Variants in ROBO1 observed in about 807,000 individuals in gnomAD.
The protein encoded by ROBO1 is roundabout homolog 1.
ROBO1 carries 149 observed loss-of-function variants against 195.9 expected under a neutral mutation model. That is an observed-to-expected ratio of 0.76 (90% CI 0.67 to 0.87). The LOEUF is 0.87. Ranked by LOEUF, ROBO1 falls within the 40% of genes least tolerant of loss-of-function variation. The pLI is 0.00. For missense variants in ROBO1, 1,933 were observed against 2,068.3 expected (o/e 0.93, Z 1.27); for synonymous variants, 816 against 733.2 (o/e 1.11, Z -1.82).
intron 2 of ROBO1, among the ~76,000 whole-genome samples, chr3:79,557,017 G>T (rs550420313): frequency 1.8e-4 from 24 of 136,190 alleles, no homozygotes; most frequent in East Asian, 2.1e-4. Context: ...TCCTTTTTTT[G>T]TTGTTTTTTT....
At chr3:79,043,468 A>T (rs1017018756) in intron 3 of ROBO1, among the ~76,000 whole-genome samples, 1 of 152,092 alleles carries the variant, frequency 6.6e-6, no homozygotes, top group Non-Finnish European at 1.5e-5. Flanking sequence ...CAAAACCCAT[A>T]TCTAAGTTGG....
intron 17 of ROBO1, among the ~76,000 whole-genome samples, chr3:78,658,377 A>G (rs559674390): frequency 1.1e-4 from 16 of 152,126 alleles, no homozygotes; most frequent in Non-Finnish European, 1.8e-4. Context: ...TGCAGCCTCC[A>G]CCTCCCGGGT....
intron 8 of ROBO1, among the ~76,000 whole-genome samples, chr3:78,698,551 G>A (rs2081351199): frequency 6.6e-6 from 1 of 152,032 alleles, no homozygotes; most frequent in South Asian, 2.1e-4. Flanking sequence ...GACAATTTTT[G>A]CTGTCACAAC....
chr3:78,976,380 A>G (rs929506273), intron 3 of ROBO1, among the ~76,000 whole-genome samples: 1 of 152,152 alleles, frequency 6.6e-6, no homozygotes, highest in Non-Finnish European at 1.5e-5. Flanking sequence ...CCACTTCTTG[A>G]GCCTGACCTG....
At chr3:78,677,198 A>G (rs1420338159) in intron 10 of ROBO1, among the ~76,000 whole-genome samples, 2 of 152,236 alleles carry the variant, frequency 1.3e-5, no homozygotes, top group African/African-American at 2.4e-5. Context: ...AGGAACAACC[A>G]GTACCAGCCA....
chr3:79,356,492 T>G (rs887732543), intron 2 of ROBO1, among the ~76,000 whole-genome samples: 6 of 152,232 alleles, frequency 3.9e-5, no homozygotes, highest in Non-Finnish European at 8.8e-5. Context: ...CATGTAAATC[T>G]AACACCTATT....
chr3:79,713,487 T>A (rs1429900770), intron 1 of ROBO1, among the ~76,000 whole-genome samples: 1 of 152,138 alleles, frequency 6.6e-6, no homozygotes, highest in African/African-American at 2.4e-5. Context: ...CTGGGTTACT[T>A]AGAAGAGTTT....
chr3:78,712,895 A>G (rs1338998877), intron 8 of ROBO1, among the ~76,000 whole-genome samples: 1 of 152,228 alleles, frequency 6.6e-6, no homozygotes, highest in Non-Finnish European at 1.5e-5. Context: ...AAAGTACTTT[A>G]AAACACAAAG....
intron 8 of ROBO1, among the ~76,000 whole-genome samples, chr3:78,695,625 CAAAA>C (rs1172592248): frequency 5.5e-5 from 3 of 54,500 alleles, no homozygotes; most frequent in Non-Finnish European, 7.3e-5. Context: ...ACTCTTGTCT[CAAAA>C]AAAAAAAAAA....
intron 2 of ROBO1, among the ~76,000 whole-genome samples, chr3:79,556,728 G>T (rs745871089): frequency 6.6e-6 from 1 of 151,594 alleles, no homozygotes; most frequent in Non-Finnish European, 1.5e-5. Flanking sequence ...ATCATTTAAT[G>T]GCAGCTACTT....
chr3:78,720,948 GT>G lies in ROBO1; in HGVS notation c.658-3066del, dbSNP rs199619114. On this transcript the variant is annotated intron_variant, in intron 5 of 30. Coordinates refer to ENST00000464233, the MANE Select transcript of ROBO1 (RefSeq NM_002941.4). ...ATCACACACTGGGACCTGTTGTGGG[GT>G]TGGGGGGGGGGCGGTGGAGGCATAG... Among the ~76,000 whole-genome samples the G allele has an allele frequency of 6.1e-4, 89 of 145,520 alleles. 5 individuals are homozygous for G. Among genetic ancestry groups the G allele is most frequent in the African/African-American group, 2.3e-3 (83 of 36,630 alleles).
intron 2 of ROBO1, among the ~76,000 whole-genome samples, chr3:79,432,325 C>T (rs1390765110): frequency 1.3e-5 from 2 of 151,874 alleles, no homozygotes; most frequent in Admixed American, 6.6e-5. Flanking sequence ...CTTATTTGTG[C>T]CATACAAATA....
intron 1 of ROBO1, among the ~76,000 whole-genome samples, chr3:79,721,396 T>C: frequency 6.6e-6 from 1 of 152,124 alleles, no homozygotes; most frequent in South Asian, 2.1e-4. Flanking sequence ...CAAAACAGTC[T>C]CTTATGATGA....
chr3:78,692,641 C>T (rs1469049381), intron 8 of ROBO1, among the ~76,000 whole-genome samples: 1 of 152,090 alleles, frequency 6.6e-6, no homozygotes, highest in Non-Finnish European at 1.5e-5. Flanking sequence ...CTGGCATGCC[C>T]GTTTGCATAT....
intron 2 of ROBO1, among the ~76,000 whole-genome samples, chr3:79,245,788 C>A (rs1405577690): frequency 6.6e-6 from 1 of 151,968 alleles, no homozygotes; most frequent in Non-Finnish European, 1.5e-5. Context: ...AGAGTCAAAT[C>A]TAAATGTGAA....
chr3:79,524,244 A>C (rs1464175689), intron 2 of ROBO1, among the ~76,000 whole-genome samples: 1 of 151,976 alleles, frequency 6.6e-6, no homozygotes, highest in Non-Finnish European at 1.5e-5. Flanking sequence ...ATATAAATAA[A>C]ATTATAATCA....
chr3:79,575,959 T>C (rs1943472192), intron 2 of ROBO1, among the ~76,000 whole-genome samples: 1 of 151,976 alleles, frequency 6.6e-6, no homozygotes, highest in Non-Finnish European at 1.5e-5. Flanking sequence ...CCAAGGCAAA[T>C]TCCTACATAT....
chr3:79,748,365 C>T (rs62257318), intron 1 of ROBO1, among the ~76,000 whole-genome samples: 19,424 of 152,104 alleles, frequency 0.13, 1,299 homozygotes, highest in Non-Finnish European at 0.13. Context: ...GTAAAACACA[C>T]AATTTTATTA....
At chr3:79,614,671 CT>C (rs1944764664) in intron 1 of ROBO1, among the ~76,000 whole-genome samples, 1 of 151,934 alleles carries the variant, frequency 6.6e-6, no homozygotes, top group Non-Finnish European at 1.5e-5. Flanking sequence ...GATTTCTGTG[CT>C]GAAAACTTAA....
Sources: allele counts gnomAD v4.1 joint callset (sites outside exome capture counted in the v4.1 genomes callset), GRCh38; gene constraint gnomAD v4.1.1; transcripts MANE v1.5; gene names NCBI Gene and HGNC (gene_info 2026-07-23, HGNC 2026-07-21).